Variants in DIS3L2 observed in about 807,000 individuals in gnomAD.
DIS3L2 encodes the protein DIS3 like 3'-5' exoribonuclease 2, also known as DIS3-like exonuclease 2.
Under a neutral mutation model 97.5 loss-of-function variants are expected in DIS3L2, and 34 were observed. The observed-to-expected ratio is 0.35, with a 90% CI of 0.27 to 0.46. The LOEUF (loss-of-function observed/expected upper bound fraction) is 0.46. Among genes scored for constraint, DIS3L2 ranks in the 20% least tolerant of loss-of-function variants. The probability of loss-of-function intolerance (pLI) is 1.00; values close to 1 mark genes in which losing one functional copy is unlikely to be tolerated. For missense variants in DIS3L2, 1,038 were observed against 1,146.0 expected, an observed-to-expected ratio of 0.91 and a Z score of 1.36; for synonymous variants, 435 against 445.2, an observed-to-expected ratio of 0.98 and a Z score of 0.29.
intron 8 of DIS3L2, among the ~76,000 whole-genome samples, chr2:232,137,033 A>G (rs946130220): frequency 6.6e-6 from 1 of 152,192 alleles, no homozygotes; most frequent in Non-Finnish European, 1.5e-5. Flanking sequence ...AATTCATTGC[A>G]TCAAACAACC....
intron 13 of DIS3L2, among the ~76,000 whole-genome samples, chr2:232,265,644 T>TA (rs1693835888): frequency 6.6e-6 from 1 of 152,186 alleles, no homozygotes; most frequent in Non-Finnish European, 1.5e-5. Flanking sequence ...AATACGAACA[T>TA]AAAAAAGAAG....
At chr2:232,285,956 G>C (rs1694418872) in intron 13 of DIS3L2, among the ~76,000 whole-genome samples, 1 of 152,218 alleles carries the variant, frequency 6.6e-6, no homozygotes, top group Admixed American at 6.5e-5. Flanking sequence ...TACACAGCTA[G>C]AGACATGTTT....
Position 232,300,132 on chromosome 2 carries a change from G to C in DIS3L2, c.1739+13G>C, listed in dbSNP as rs1166671365. On this transcript the variant is annotated intron_variant, in intron 14 of 20. Coordinates refer to ENST00000325385, the MANE Select transcript of DIS3L2 (RefSeq NM_152383.5). ...GCGAGAGCAACAAGTAAGCCACTCA[G>C]TGGGAAAGAGTGTCACTTCACATGT... 8 of 1,611,724 alleles carry C rather than the reference G, an allele frequency of 5.0e-6. No individual in the cohort carries two copies. Among genetic ancestry groups the C allele is most frequent in the Non-Finnish European group, 6.8e-6 (8 of 1,178,110 alleles).
intron 6 of DIS3L2, among the ~76,000 whole-genome samples, chr2:232,126,304 A>G (rs1159258791): frequency 6.6e-6 from 1 of 152,258 alleles, no homozygotes; most frequent in Non-Finnish European, 1.5e-5. Flanking sequence ...TATATTCCGT[A>G]GAGAATAGCA....
At chr2:231,988,806 AAAAT>A (rs1302382611) in intron 1 of DIS3L2, among the ~76,000 whole-genome samples, 1 of 152,248 alleles carries the variant, frequency 6.6e-6, no homozygotes, top group Admixed American at 6.5e-5. Flanking sequence ...ATTTTTGAAA[AAAAT>A]AAATAACTAA....
rs1693350864 is a variant in DIS3L2 at position 232,249,236 on chromosome 2, C to T, written c.1318-3C>T. 1.2e-6 allele frequency: 2 copies of T among 1,613,502 alleles called. No individual in the cohort carries two copies. The highest frequency in any genetic ancestry group is 1.7e-6 in the Non-Finnish European group (2 of 1,179,950). ...TGCTCATGGGCCTGTGCTCTATTTA[C>T]AGGTGGTCCCCATGCTTCCCAGGCT... On this transcript the variant is annotated splice_region_variant and splice_polypyrimidine_tract_variant and intron_variant, in intron 11 of 20. Transcript: ENST00000325385.
chr2:232,071,825 C>A (rs915669033), intron 5 of DIS3L2, among the ~76,000 whole-genome samples: 4 of 152,184 alleles, frequency 2.6e-5, no homozygotes, highest in African/African-American at 9.7e-5. Context: ...AGACATGAGC[C>A]ACTGTACCTG....
At chr2:232,111,967 A>C (rs761445306) in intron 6 of DIS3L2, among the ~76,000 whole-genome samples, 5 of 152,190 alleles carry the variant, frequency 3.3e-5, no homozygotes, top group Admixed American at 6.5e-5. Flanking sequence ...AGCCTTGCCT[A>C]CCTTTGCACT....
At chr2:232,126,764 A>G (rs1223265499) in intron 6 of DIS3L2, among the ~76,000 whole-genome samples, 4 of 152,200 alleles carry the variant, frequency 2.6e-5, no homozygotes, top group Admixed American at 2.0e-4. Flanking sequence ...AGTCCCTCCC[A>G]CAGGGCCATT....
In DIS3L2 at chr2:232,334,669, C is replaced by T. The variant is rs1338791997; in HGVS notation, c.2328C>T (p.Gly776=). ...GPLESEAMVM[G]ILKQAFDVLV... ...TGGAGTCAGAAGCCATGGTGATGGG[C>T]ATCCTGAAGCAAGCCTTCGACGTGC... is the stretch of plus-strand genomic sequence containing the variant. Residue 776 remains glycine, a synonymous_variant, in exon 19 of 21, where the codon GGC becomes GGT. Coordinates refer to ENST00000325385, the MANE Select transcript of DIS3L2 (RefSeq NM_152383.5). 5.0e-6 allele frequency: 8 copies of T among 1,610,290 alleles called. No individual in the cohort carries two copies. The highest frequency in any genetic ancestry group is 6.8e-6 in the Non-Finnish European group (8 of 1,178,612).
intron 11 of DIS3L2, among the ~76,000 whole-genome samples, chr2:232,246,708 A>G (rs899821205): frequency 6.6e-5 from 10 of 152,234 alleles, no homozygotes; most frequent in African/African-American, 2.4e-4. Context: ...CACTGTAAAA[A>G]GGTCTTTAGA....
At chr2:232,167,038 T>TAA (rs1245317260) in intron 9 of DIS3L2, among the ~76,000 whole-genome samples, 4 of 152,096 alleles carry the variant, frequency 2.6e-5, no homozygotes, top group African/African-American at 7.2e-5. Context: ...ACTTTAACCT[T>TAA]AAAATAGGTT....
chr2:232,285,559 C>T (rs1694404747), intron 13 of DIS3L2, among the ~76,000 whole-genome samples: 1 of 152,240 alleles, frequency 6.6e-6, no homozygotes, highest in Non-Finnish European at 1.5e-5. Flanking sequence ...AACTTGCAGC[C>T]TCCAACACAG....
intron 6 of DIS3L2, among the ~76,000 whole-genome samples, chr2:232,125,796 T>C (rs1698048059): frequency 6.6e-6 from 1 of 152,172 alleles, no homozygotes; most frequent in South Asian, 2.1e-4. Context: ...CCCAGCAAGC[T>C]TGCAGCATCA....
chr2:232,125,174 G>A (rs1698022965), intron 6 of DIS3L2, among the ~76,000 whole-genome samples: 1 of 152,168 alleles, frequency 6.6e-6, no homozygotes, highest in South Asian at 2.1e-4. Context: ...GAGTTTAGCC[G>A]CTCTGTCAAA....
rs559265250 is a variant in DIS3L2, at chr2:232,213,409, C to T, written c.1204+3004C>T. ...AAAGGAGTCAGGGAAGACTCTGAAA[C>T]GGCCTGAGTTGGTCAGGCAAACAGT... On this transcript the variant is annotated intron_variant, in intron 10 of 20. Transcript: ENST00000325385. Among the ~76,000 whole-genome samples, 19 of 152,236 alleles carry T rather than the reference C, an allele frequency of 1.2e-4. No individual in the cohort carries two copies. In the East Asian group the frequency reaches 2.5e-3, roughly 20 times the overall value.
chr2:232,289,687 C>T (rs1251568932), intron 13 of DIS3L2, among the ~76,000 whole-genome samples: 1 of 152,238 alleles, frequency 6.6e-6, no homozygotes, highest in Non-Finnish European at 1.5e-5. Flanking sequence ...ATATGATCTA[C>T]ACACATAACT....
At chr2:232,244,643 G>A in intron 11 of DIS3L2, among the ~76,000 whole-genome samples, 1 of 152,230 alleles carries the variant, frequency 6.6e-6, no homozygotes, top group East Asian at 1.9e-4. Context: ...GTGGGCCTGG[G>A]AGAAATTGGC....
intron 15 of DIS3L2, 45 bp from the exon 16 acceptor site, chr2:232,330,645 C>G: frequency 6.3e-7 from 1 of 1,599,158 alleles, no homozygotes; most frequent in South Asian, 1.1e-5. Flanking sequence ...AGTCTCTGCC[C>G]GAGCTGGACC....
Sources: allele counts gnomAD v4.1 joint callset (sites outside exome capture counted in the v4.1 genomes callset), GRCh38; gene constraint gnomAD v4.1.1; transcripts MANE v1.5; gene names NCBI Gene and HGNC (gene_info 2026-07-23, HGNC 2026-07-21).